Variants in ARHGAP4 observed in about 807,000 individuals in gnomAD.
ARHGAP4 encodes the protein rho GTPase-activating protein 4.
In ARHGAP4, 25 loss-of-function variants were observed where a neutral mutation model predicts 67.6. That is an observed-to-expected ratio of 0.37 (90% CI 0.27 to 0.52). The LOEUF is 0.52. Among genes scored for constraint, ARHGAP4 ranks in the 20% least tolerant of loss-of-function variants. The pLI, the probability that ARHGAP4 is intolerant of heterozygous loss-of-function variation, is 0.92. For synonymous variants in ARHGAP4, 448 were observed against 373.7 expected (o/e 1.20, Z -2.29); for missense variants, 804 against 854.6 (o/e 0.94, Z 0.74).
At chrX:153,908,954 G>A in intron 21 of ARHGAP4, 116 bp downstream of exon 21, 3 of 769,726 alleles carry the variant, frequency 3.9e-6, no homozygotes, top group Admixed American at 5.1e-5. Context: ...GTTCCCTTGA[G>A]CTAAGGCCAG....
intron 12 of ARHGAP4, among the ~76,000 whole-genome samples, chrX:153,912,115 C>G (rs1245614311): frequency 9.4e-6 from 1 of 106,371 alleles, no homozygotes; most frequent in Non-Finnish European, 1.9e-5. Context: ...TTCCTTCCTT[C>G]TTTCCTTCCC....
At chrX:153,923,581 C>A (rs1183981344) in intron 1 of ARHGAP4, among the ~76,000 whole-genome samples, 3 of 112,220 alleles carry the variant, frequency 2.7e-5, no homozygotes, top group Non-Finnish European at 5.6e-5. Context: ...GCAGATCAAG[C>A]TGGGTAAGTG....
At chrX:153,911,676 C>T (rs1377627403) in intron 12 of ARHGAP4, among the ~76,000 whole-genome samples, 1 of 111,929 alleles carries the variant, frequency 8.9e-6, no homozygotes, top group East Asian at 2.8e-4. Context: ...CTTTGGGAGG[C>T]CAAGGGAGGA....
rs782780656 is a variant in ARHGAP4, at chrX:153,907,802, C to T, written c.2768G>A (p.Arg923Gln). The T allele has an allele frequency of 1.6e-4, 161 of 1,009,152 alleles. No individual in the cohort carries two copies. Among genetic ancestry groups the T allele is most frequent in the Middle Eastern group, 3.0e-4 (1 of 3,337 alleles). The allele number at this position is 1,009,152 out of a possible 1,213,427, so 83.2% of individuals were successfully genotyped here. A position where few individuals can be genotyped will look rare whatever the true frequency, so the allele number is the denominator to read the frequency against. Reference sequence around the variant, plus strand: ...GGGTGAGGCTGGGGCCCCAGGGCCCCGGGAGAAGCCTTTGTTCCTGCCCAG... The same window carrying T: ...GGGTGAGGCTGGGGCCCCAGGGCCCTGGGAGAAGCCTTTGTTCCTGCCCAG... ...SRLGRNKGFS[R>Q]GPGAPASPSA... is the part of the protein sequence containing the mutation. Residue 923 changes from arginine (R) to glutamine (Q), a missense_variant, in exon 22 of 22, where the codon CGG (arginine) becomes CAG (glutamine). Arg to Gln is a conservative substitution (Grantham distance 43). Transcript: ENST00000350060.
chrX:153,910,580 G>A lies in ARHGAP4; in HGVS notation c.1848C>T (p.His616=), dbSNP rs374488103. The A allele has an allele frequency of 5.9e-4, 709 of 1,206,550 alleles. 4 individuals carry two copies. The highest frequency in any genetic ancestry group is 5.8e-3 in the South Asian group (327 of 56,593). ...GCAGCCGCCACAGCAGGCGGCTCACGTGCTCCACCCTCTCCGCTGTGGCCT... is the reference window on the plus strand; with the variant it reads ...GCAGCCGCCACAGCAGGCGGCTCACATGCTCCACCCTCTCCGCTGTGGCCT... ...ELEATAERVE[H]VSRLLWRLPA... Residue 616 remains histidine (H), a synonymous_variant, in exon 16 of 22, where the codon CAC becomes CAT. Transcript: ENST00000350060.
rs1446895639 is a variant in ARHGAP4 at position 153,924,072 on chromosome X, C to T, written c.67+2064G>A. Among the ~76,000 whole-genome samples the T allele has an allele frequency of 2.7e-5, 3 of 112,184 alleles. No individual in the cohort carries two copies. The Admixed American group carries it at 2.8e-4, about 11-fold the overall frequency. On this transcript the variant is annotated intron_variant, in intron 1 of 21. Coordinates refer to ENST00000350060, the MANE Select transcript of ARHGAP4 (RefSeq NM_001666.5). ...GGGATTACAGACGTGAGCCACCACG[C>T]CTGGCCCAGTTTAACATTTTTTGAT...
At chrX:153,923,776 A>C (rs1013430768) in intron 1 of ARHGAP4, among the ~76,000 whole-genome samples, 2 of 112,194 alleles carry the variant, frequency 1.8e-5, no homozygotes, top group Non-Finnish European at 3.8e-5. Context: ...GAATCAGTTT[A>C]ACGTTTTGTT....
intron 12 of ARHGAP4, among the ~76,000 whole-genome samples, chrX:153,911,972 T>C (rs1374569405): frequency 1.8e-5 from 2 of 111,293 alleles, no homozygotes; most frequent in African/African-American, 3.3e-5. Flanking sequence ...AATCTGTTGA[T>C]TCTTTTGAAT....
rs782753798 is a variant in ARHGAP4 at position 153,909,785 on chromosome X, G to C, written c.2370C>G (p.Gly790=). Residue 790 remains glycine (G), a synonymous_variant, in exon 19 of 22, where the codon GGC becomes GGG. Transcript: ENST00000350060. ...SSDWWRGEHN[G]MRGLIPHKYI... ...ACTTGTGGGGGATGAGGCCCCGCAT[G>C]CCGTTGTGCTCCCCCCGCCACCAGT... 1.7e-6 allele frequency: 2 copies of C among 1,202,080 alleles called. No homozygotes were observed. The highest frequency in any genetic ancestry group is 3.6e-5 in the South Asian group (2 of 55,541).
chrX:153,919,584 C>T lies in ARHGAP4; in HGVS notation c.682-301G>A, dbSNP rs1348086519. 4.3e-6 allele frequency: 5 copies of T among 1,161,744 alleles called. No individual in the cohort carries two copies. In the African/African-American group the frequency reaches 5.4e-5, roughly 13 times the overall value. ...ACAGATACCTGATGAGTGGAAGGTG[C>T]GCACATGGCACCCCACCATGGAGGG... On this transcript the variant is annotated intron_variant, in intron 5 of 21. Transcript: ENST00000350060.
At chrX:153,922,416 G>T (rs1288865797) in intron 1 of ARHGAP4, 2 of 754,273 alleles carry the variant, frequency 2.7e-6, no homozygotes, top group Non-Finnish European at 3.1e-6. Flanking sequence ...AATGGGGCAG[G>T]GAGCTAGCCC....
At position 153,910,735 on chromosome X, in the gene ARHGAP4, G is replaced by A. The variant is rs372676050; in HGVS notation, c.1781C>T (p.Pro594Leu). 2 of 1,192,035 alleles carry A rather than the reference G, an allele frequency of 1.7e-6. No homozygotes were observed. The highest frequency in any genetic ancestry group is 2.3e-5 in the Admixed American group (1 of 44,123). ...YFRSLEPPLF[P>L]PDLFGELLAS... is the part of the protein sequence containing the mutation. ...CAGCAGCTCGCCGAACAGGTCTGGGGGGAAGAGTGGGGGCTCCAGGCTCCG... is the reference window on the plus strand; with the variant it reads ...CAGCAGCTCGCCGAACAGGTCTGGGAGGAAGAGTGGGGGCTCCAGGCTCCG... Residue 594 changes from proline (P) to leucine (L), a missense_variant, in exon 15 of 22, where the codon CCC (proline) becomes CTC (leucine). This residue lies in a region of ARHGAP4 where 400 missense variants were observed against 348.7 expected (regional missense o/e 1.15). Transcript: ENST00000350060.
Position 153,922,268 on chromosome X carries a change from A to G in ARHGAP4, c.68-459T>C, listed in dbSNP as rs782100503. ...CACGGATACACAACACACAGATCAC[A>G]GTGCTGCTCAGGGCAAGCCTGCAGC... On this transcript the variant is annotated intron_variant, in intron 1 of 21. Coordinates refer to ENST00000350060, the MANE Select transcript of ARHGAP4 (RefSeq NM_001666.5). The G allele has an allele frequency of 7.6e-5, 59 of 780,657 alleles. 1 individual carries two copies. In the South Asian group the frequency reaches 2.8e-3, roughly 37 times the overall value. The allele number at this position is 780,657 out of a possible 1,213,427, so 64.3% of individuals were successfully genotyped here. A position where few individuals can be genotyped will look rare whatever the true frequency, so the allele number is the denominator to read the frequency against.
At chrX:153,923,512 G>A (rs782695116) in intron 1 of ARHGAP4, among the ~76,000 whole-genome samples, 3 of 112,200 alleles carry the variant, frequency 2.7e-5, no homozygotes, top group Non-Finnish European at 5.6e-5. Context: ...AGCCAGGTGA[G>A]GGACCCAGGA....
At chrX:153,924,817 G>C (rs1297603086) in intron 1 of ARHGAP4, among the ~76,000 whole-genome samples, 2 of 112,060 alleles carry the variant, frequency 1.8e-5, no homozygotes, top group South Asian at 3.6e-4. Context: ...CTGTGAGCAA[G>C]GCATTTGGTC....
chrX:153,910,847 G>C lies in ARHGAP4; in HGVS notation c.1682-13C>G. 8.4e-7 allele frequency: 1 copy of C among 1,188,942 alleles called. No individual in the cohort carries two copies. Among genetic ancestry groups the C allele is most frequent in the Non-Finnish European group, 1.1e-6 (1 of 883,768 alleles). On this transcript the variant is annotated splice_polypyrimidine_tract_variant and intron_variant, in intron 14 of 21. Transcript: ENST00000350060. Reference sequence around the variant, plus strand: ...AGTGGGTCCTCCCCTGCAGATGGGCGAGTGGTGCGGTAGGGGGAGGAAGCT... The same window carrying C: ...AGTGGGTCCTCCCCTGCAGATGGGCCAGTGGTGCGGTAGGGGGAGGAAGCT...
chrX:153,912,482 G>A (rs1022672654), intron 12 of ARHGAP4, among the ~76,000 whole-genome samples: 7 of 112,117 alleles, frequency 6.2e-5, no homozygotes, highest in Admixed American at 9.4e-5. Context: ...TTTTCTATAC[G>A]TTCCCATTAC....
chrX:153,926,253 A>G lies in ARHGAP4; in HGVS notation c.-51T>C. 9.7e-7 allele frequency: 1 copy of G among 1,029,358 alleles called. No homozygotes were observed. Among genetic ancestry groups the G allele is most frequent in the Non-Finnish European group, 1.2e-6 (1 of 808,232 alleles). 84.8% of individuals were successfully genotyped at this position (1,029,358 alleles called of 1,213,427 possible). A position where few individuals can be genotyped will look rare whatever the true frequency, so the allele number is the denominator to read the frequency against. On this transcript the variant is annotated 5_prime_UTR_variant, in exon 1 of 22. Coordinates refer to ENST00000350060, the MANE Select transcript of ARHGAP4 (RefSeq NM_001666.5). ...ACCCCACTGCTCCCACGCGGCCGTG[A>G]GCGGGCCCGGCGCCGGGACTTGGGG...
intron 5 of ARHGAP4, 119 bp downstream of exon 5, chrX:153,920,507 C>T (rs2065085291): frequency 4.9e-6 from 4 of 814,788 alleles, no homozygotes; most frequent in Non-Finnish European, 6.7e-6. Context: ...AACCTGATGG[C>T]ACTGTCCTGC....
Sources: allele counts gnomAD v4.1 joint callset (sites outside exome capture counted in the v4.1 genomes callset), GRCh38; gene constraint gnomAD v4.1.1; regional missense constraint gnomAD v4.1.1; transcripts MANE v1.5; gene names NCBI Gene and HGNC (gene_info 2026-07-23, HGNC 2026-07-21).